The following TMEM192 variants were observed in gnomAD, a reference collection of about 807,000 sequenced individuals.
The protein encoded by TMEM192 is transmembrane protein 192.
In TMEM192, 20 loss-of-function variants were observed where a neutral mutation model predicts 26.7. That is an observed-to-expected ratio of 0.75 (90% CI 0.53 to 1.09). TMEM192 has a LOEUF of 1.09. Ranked by LOEUF, TMEM192 falls within the 50% of genes least tolerant of loss-of-function variation. TMEM192 has a pLI of 0.00. For missense variants in TMEM192, 304 were observed against 322.6 expected, an observed-to-expected ratio of 0.94 and a Z score of 0.44; for synonymous variants, 124 against 121.0, an observed-to-expected ratio of 1.02 and a Z score of -0.16.
At chr4:165,091,377 C>G (rs933556729) in intron 3 of TMEM192, among the ~76,000 whole-genome samples, 5 of 152,058 alleles carry the variant, frequency 3.3e-5, no homozygotes, top group African/African-American at 1.2e-4. Context: ...GACTAGAGCC[C>G]TTTCATTTGT....
At chr4:165,096,334 G>A (rs1734901818) in intron 3 of TMEM192, among the ~76,000 whole-genome samples, 1 of 151,876 alleles carries the variant, frequency 6.6e-6, no homozygotes, top group Admixed American at 6.6e-5. Context: ...GAACCTGGGA[G>A]GCAGAGGTTG....
In TMEM192 at chr4:165,088,608, G is replaced by A. The variant is rs979889089; in HGVS notation, c.440-6C>T. The A allele has an allele frequency of 6.2e-7, 1 of 1,607,076 alleles. No homozygotes were observed. The highest frequency in any genetic ancestry group is 1.1e-5 in the South Asian group (1 of 89,826). On this transcript the variant is annotated splice_region_variant and splice_polypyrimidine_tract_variant and intron_variant, in intron 3 of 5. Coordinates refer to ENST00000306480, the MANE Select transcript of TMEM192 (RefSeq NM_001100389.2). ...GAGGAGAAGCACTGTGTTGCCTGAG[G>A]AGGAGAAACATAAAACACAGCATGT...
intron 3 of TMEM192, among the ~76,000 whole-genome samples, chr4:165,092,287 A>G (rs1734785065): frequency 6.6e-6 from 1 of 151,836 alleles, no homozygotes; most frequent in South Asian, 2.1e-4. Context: ...ATGTCCAGCT[A>G]ATTTTTGTAT....
intron 5 of TMEM192, among the ~76,000 whole-genome samples, chr4:165,084,492 C>A (rs1215132585): frequency 6.6e-6 from 1 of 151,994 alleles, no homozygotes; most frequent in African/African-American, 2.4e-5. Flanking sequence ...AGCTGCCCCA[C>A]CTGGCCCACA....
intron 3 of TMEM192, among the ~76,000 whole-genome samples, chr4:165,097,764 G>GCTAC (rs1734947765): frequency 6.6e-6 from 1 of 151,210 alleles, no homozygotes. Flanking sequence ...ACAGGCACAG[G>GCTAC]CTACCACACA....
At chr4:165,107,119 G>T (rs1422403157) in intron 1 of TMEM192, among the ~76,000 whole-genome samples, 1 of 150,960 alleles carries the variant, frequency 6.6e-6, no homozygotes, top group Non-Finnish European at 1.5e-5. Context: ...CTGCTTCCTG[G>T]GTTCAAACAA....
chr4:165,107,343 A>G (rs1735186470), intron 1 of TMEM192, among the ~76,000 whole-genome samples: 1 of 133,138 alleles, frequency 7.5e-6, no homozygotes, highest in Non-Finnish European at 1.6e-5. Flanking sequence ...AACAAAAACA[A>G]AAACAAAAAA....
chr4:165,109,275 G>T (rs1201159695), intron 1 of TMEM192, among the ~76,000 whole-genome samples: 1 of 152,192 alleles, frequency 6.6e-6, no homozygotes, highest in Non-Finnish European at 1.5e-5. Flanking sequence ...CACAGCAGAT[G>T]CTAAGGTGTT....
intron 3 of TMEM192, among the ~76,000 whole-genome samples, chr4:165,097,785 ATTTATTTTAT>A (rs142532552): frequency 1.3e-5 from 2 of 150,962 alleles, no homozygotes; most frequent in African/African-American, 4.9e-5. Flanking sequence ...TGACTAATTT[ATTTATTTTAT>A]TTTATTTTAC....
rs957413697 is a variant in TMEM192 at position 165,073,983 on chromosome 4, T to C, written c.*5675A>G. 2.6e-5 allele frequency: 4 copies of C among 152,166 alleles called. No individual in the cohort carries two copies. The highest frequency in any genetic ancestry group is 6.5e-5 in the Admixed American group (1 of 15,274). The allele number at this position is 152,166 out of a possible 1,614,324, so 9.4% of individuals were successfully genotyped here. ...CTCAAGAGACCGGCGCCGGTGCAGG[T>C]CCTCGCATGCTGGGTGTGCTGGTCC... On this transcript the variant is annotated 3_prime_UTR_variant, in exon 6 of 6. Transcript: ENST00000306480.
At position 165,081,969 on chromosome 4, in the gene TMEM192, C is replaced by CT. The variant is rs566897916; in HGVS notation, c.678-2174dup. Among the ~76,000 whole-genome samples, 70 of 26,710 alleles carry CT rather than the reference C, an allele frequency of 2.6e-3. 17 individuals carry two copies. Among genetic ancestry groups the CT allele is most frequent in the Middle Eastern group, 0.026 (1 of 38 alleles). 17.5% of individuals were successfully genotyped at this position (26,710 alleles called of 152,430 possible). Reference sequence around the variant, plus strand: ...GTGAGCCACCATGACTGACCATCTTCTTTTTTTTTTTTTTTTTCAACACAG... The same window carrying CT: ...GTGAGCCACCATGACTGACCATCTTCTTTTTTTTTTTTTTTTTTCAACACAG... On this transcript the variant is annotated intron_variant, in intron 5 of 5. Coordinates refer to ENST00000306480, the MANE Select transcript of TMEM192 (RefSeq NM_001100389.2).
intron 3 of TMEM192, among the ~76,000 whole-genome samples, chr4:165,089,049 A>T (rs1247103466): frequency 1.6e-4 from 24 of 148,632 alleles, no homozygotes; most frequent in Non-Finnish European, 3.4e-4. Flanking sequence ...GCAAAAAAAA[A>T]AAAAAAAAAA....
intron 3 of TMEM192, among the ~76,000 whole-genome samples, chr4:165,097,456 T>G (rs1734936374): frequency 7.6e-6 from 1 of 131,284 alleles, no homozygotes; most frequent in Non-Finnish European, 1.5e-5. Context: ...ATAGCGCCAC[T>G]GCACTCCAGC....
chr4:165,084,109 C>T (rs1379093163), intron 5 of TMEM192, among the ~76,000 whole-genome samples: 2 of 152,028 alleles, frequency 1.3e-5, no homozygotes, highest in East Asian at 1.9e-4. Context: ...GCATGAGCCA[C>T]CGCGCCCAGT....
Position 165,100,687 on chromosome 4 carries a change from T to C in TMEM192, c.380A>G (p.Asn127Ser), listed in dbSNP as rs1735018703. ...ATGCCTTGTTGATCGGTAGATCAAG[T>C]TATAGCCTCGGTTTCTGATTTTGCT... ...HHSKIRNRGYNLIYRSTRHLK... is the reference protein window; with the variant it reads ...HHSKIRNRGYSLIYRSTRHLK... The change falls in exon 3 of 6, where the codon AAC becomes AGC. Residue 127 changes from asparagine (N) to serine (S), a missense_variant. Physicochemically the swap from Asn to Ser is conservative, Grantham distance 46. Coordinates refer to ENST00000306480, the MANE Select transcript of TMEM192 (RefSeq NM_001100389.2). 6.2e-7 allele frequency: 1 copy of C among 1,613,974 alleles called. No homozygotes were observed. Among genetic ancestry groups the C allele is most frequent in the Admixed American group, 1.7e-5 (1 of 59,984 alleles).
chr4:165,095,312 A>G (rs927706847), intron 3 of TMEM192, among the ~76,000 whole-genome samples: 2 of 152,312 alleles, frequency 1.3e-5, no homozygotes, highest in Admixed American at 6.5e-5. Context: ...GGCACATGCT[A>G]TGCAGCCCCT....
chr4:165,085,780 G>C lies in TMEM192; in HGVS notation c.575-92C>G. ...ATGCTAATTTGCCGTTCTTATTAAC[G>C]TCCTTGAGTATTTCAAATTCTACTA... On this transcript the variant is annotated intron_variant, in intron 4 of 5. Coordinates refer to ENST00000306480, the MANE Select transcript of TMEM192 (RefSeq NM_001100389.2). 4 of 884,748 alleles carry C rather than the reference G, an allele frequency of 4.5e-6. No homozygotes were observed. In the South Asian group the frequency reaches 4.9e-5, roughly 11 times the overall value. 54.8% of individuals were successfully genotyped at this position (884,748 alleles called of 1,614,324 possible).
At chr4:165,091,601 C>T (rs111605720) in intron 3 of TMEM192, among the ~76,000 whole-genome samples, 25 of 152,168 alleles carry the variant, frequency 1.6e-4, no homozygotes, top group African/African-American at 6.0e-4. Flanking sequence ...GGCATACCCA[C>T]ACACAAAACT....
At chr4:165,105,152 T>C (rs1735135814) in intron 1 of TMEM192, among the ~76,000 whole-genome samples, 1 of 152,202 alleles carries the variant, frequency 6.6e-6, no homozygotes, top group Admixed American at 6.5e-5. Flanking sequence ...TCTTCTCCAC[T>C]AGACGTCATT....
Sources: gnomAD v4.1 joint callset for allele counts (sites outside exome capture counted in the v4.1 genomes callset) on GRCh38, gnomAD v4.1.1 for gene constraint, MANE v1.5 for transcripts, NCBI Gene and HGNC (gene_info 2026-07-23, HGNC 2026-07-21) for gene names.